SEPTIN7: variants seen among roughly 807,000 people sequenced by gnomAD.
The protein encoded by SEPTIN7 is septin-7.
A neutral mutation model predicts 63.3 loss-of-function variants in SEPTIN7; 10 were observed. The ratio of observed to expected loss-of-function variants is 0.16; its 90% CI spans 0.10 to 0.27. The LOEUF (loss-of-function observed/expected upper bound fraction) is 0.27, where lower values mean the gene tolerates loss of function less well. SEPTIN7 is among the 10% of genes least tolerant of loss of function. The pLI, the probability that SEPTIN7 is intolerant of heterozygous loss-of-function variation, is 1.00. For synonymous variants in SEPTIN7, 131 were observed against 165.3 expected (o/e 0.79, Z 1.59); for missense variants, 310 against 521.0 (o/e 0.59, Z 3.94).
At chr7:35,810,289 G>A (rs910714056) in intron 1 of SEPTIN7, among the ~76,000 whole-genome samples, 1 of 151,660 alleles carries the variant, frequency 6.6e-6, no homozygotes, top group African/African-American at 2.4e-5. Flanking sequence ...AATATAGACT[G>A]AGGTCTCCAG....
intron 1 of SEPTIN7, among the ~76,000 whole-genome samples, chr7:35,823,594 T>G (rs1783346526): frequency 6.6e-6 from 1 of 152,204 alleles, no homozygotes; most frequent in Non-Finnish European, 1.5e-5. Context: ...ATTTGTCATC[T>G]CTCTTGGTCT....
At chr7:35,807,351 ATTTTTTTTT>A (rs70974769) in intron 1 of SEPTIN7, among the ~76,000 whole-genome samples, 11 of 22,226 alleles carry the variant, frequency 4.9e-4, no homozygotes, top group Admixed American at 2.4e-3. Context: ...GCCCGGCTGA[ATTTTTTTTT>A]TTTTTTTTTT....
chr7:35,895,909 C>A (rs1049424653), intron 11 of SEPTIN7, among the ~76,000 whole-genome samples: 2 of 152,204 alleles, frequency 1.3e-5, no homozygotes, highest in African/African-American at 4.8e-5. Flanking sequence ...CTCCTGGGTT[C>A]AAGCAATTCT....
chr7:35,908,781 G>A (rs373877987), downstream of SEPTIN7, among the ~76,000 whole-genome samples: 8 of 152,314 alleles, frequency 5.3e-5, 1 homozygote, highest in Middle Eastern at 6.8e-3. Flanking sequence ...AGATTTGCAC[G>A]TAAGTAGAGC....
chr7:35,870,723 G>C (rs572142287), intron 4 of SEPTIN7, among the ~76,000 whole-genome samples: 5 of 151,680 alleles, frequency 3.3e-5, no homozygotes, highest in African/African-American at 1.2e-4. Context: ...CAGCACTTTG[G>C]GAGGCTGAAA....
At chr7:35,817,011 T>G (rs1233517237) in intron 1 of SEPTIN7, among the ~76,000 whole-genome samples, 1 of 151,766 alleles carries the variant, frequency 6.6e-6, no homozygotes, top group Non-Finnish European at 1.5e-5. Flanking sequence ...TCCACAGGTT[T>G]TTTTTTTTTT....
At chr7:35,890,490 GTTTAC>G (rs1374265972) in intron 10 of SEPTIN7, 173 bp from the exon 11 acceptor site, 2 of 407,946 alleles carry the variant, frequency 4.9e-6, no homozygotes, top group African/African-American at 2.1e-5. Flanking sequence ...TTTTTTGTTG[GTTTAC>G]TTTGAGTGTA....
intron 2 of SEPTIN7, among the ~76,000 whole-genome samples, chr7:35,832,505 A>G (rs976694732): frequency 2.0e-5 from 3 of 152,084 alleles, no homozygotes; most frequent in Admixed American, 6.5e-5. Context: ...TTGGTCAATC[A>G]TCTTGTTACT....
At chr7:35,878,794 C>T (rs1184743883) in intron 6 of SEPTIN7, among the ~76,000 whole-genome samples, 3 of 152,062 alleles carry the variant, frequency 2.0e-5, no homozygotes, top group African/African-American at 7.2e-5. Flanking sequence ...AATGGGGGTT[C>T]AGATGAGCTT....
At chr7:35,830,261 G>A (rs1043844065) in intron 1 of SEPTIN7, among the ~76,000 whole-genome samples, 3 of 152,126 alleles carry the variant, frequency 2.0e-5, no homozygotes, top group African/African-American at 7.2e-5. Context: ...TGTATGTTTG[G>A]GGGGTAGTTA....
At chr7:35,840,917 G>A (rs1281359215) in intron 3 of SEPTIN7, among the ~76,000 whole-genome samples, 1 of 152,068 alleles carries the variant, frequency 6.6e-6, no homozygotes, top group Non-Finnish European at 1.5e-5. Flanking sequence ...ACTAATTCTT[G>A]AGAAAAAATG....
At chr7:35,873,934 T>G in intron 6 of SEPTIN7, 159 bp downstream of exon 6, 3 of 633,720 alleles carry the variant, frequency 4.7e-6, no homozygotes, top group Non-Finnish European at 8.0e-6. Flanking sequence ...GAAAAGCCAT[T>G]TTAAGTCCTA....
chr7:35,815,952 C>A (rs1479439759), intron 1 of SEPTIN7, among the ~76,000 whole-genome samples: 2 of 152,002 alleles, frequency 1.3e-5, no homozygotes, highest in Admixed American at 1.3e-4. Context: ...GGTAATGGAT[C>A]TCATCAGTTT....
chr7:35,915,058 T>TAC, the SEPTIN7 span, among the ~76,000 whole-genome samples: 2 of 151,774 alleles, frequency 1.3e-5, no homozygotes, highest in Admixed American at 1.3e-4. Context: ...TATGTATATA[T>TAC]ACACAGATGC....
rs555473821 is a variant in SEPTIN7 at position 35,802,048 on chromosome 7, C to T, written c.61+778C>T. 9.9e-5 allele frequency among the ~76,000 whole-genome samples: 15 copies of T among 151,658 alleles called. No individual in the cohort carries two copies. In the South Asian group the frequency reaches 3.1e-3, roughly 32 times the overall value. ...GGAAAGAGAACGCCTGGGAAGGGCG[C>T]CCCCCGGAGGAGATAGAAAGGGTGG... On this transcript the variant is annotated intron_variant, in intron 1 of 13. Coordinates refer to ENST00000350320, the MANE Select transcript of SEPTIN7 (RefSeq NM_001788.6).
chr7:35,805,565 G>C (rs1788277776), intron 1 of SEPTIN7, among the ~76,000 whole-genome samples: 1 of 152,186 alleles, frequency 6.6e-6, no homozygotes, highest in African/African-American at 2.4e-5. Flanking sequence ...CTATGCTGCA[G>C]CAACAGACTG....
At chr7:35,887,029 A>G (rs1787295714) in intron 10 of SEPTIN7, among the ~76,000 whole-genome samples, 2 of 152,244 alleles carry the variant, frequency 1.3e-5, no homozygotes, top group Non-Finnish European at 2.9e-5. Flanking sequence ...GAGCAAAAGC[A>G]CGAGAAGGTC....
chr7:35,841,973 T>C (rs1456798930), intron 3 of SEPTIN7, among the ~76,000 whole-genome samples: 3 of 152,194 alleles, frequency 2.0e-5, no homozygotes, highest in Non-Finnish European at 4.4e-5. Flanking sequence ...AATGTAATTT[T>C]AAATATGAGA....
At chr7:35,811,458 TA>T (rs1349238426) in intron 1 of SEPTIN7, among the ~76,000 whole-genome samples, 1 of 152,212 alleles carries the variant, frequency 6.6e-6, no homozygotes, top group Admixed American at 6.5e-5. Context: ...GTATTCTTTC[TA>T]AATATATAGG....
Sources: allele counts gnomAD v4.1 joint callset (sites outside exome capture counted in the v4.1 genomes callset), GRCh38; gene constraint gnomAD v4.1.1; transcripts MANE v1.5; gene names NCBI Gene and HGNC (gene_info 2026-07-23, HGNC 2026-07-21).